HIVEP3: variants seen among roughly 807,000 people sequenced by gnomAD.
HIVEP3 encodes HIVEP zinc finger 3.
HIVEP3 carries 49 observed loss-of-function variants against 152.8 expected under a neutral mutation model. The ratio of observed to expected loss-of-function variants is 0.32; its 90% CI spans 0.26 to 0.41. The LOEUF is 0.41. Ranked by LOEUF, HIVEP3 falls within the 10% of genes least tolerant of loss-of-function variation. The pLI, the probability that HIVEP3 is intolerant of heterozygous loss-of-function variation, is 1.00. For missense variants in HIVEP3, 2,790 were observed against 3,103.3 expected (o/e 0.90, Z 2.40); for synonymous variants, 1,269 against 1,289.0 (o/e 0.98, Z 0.33).
chr1:41,765,386 T>C (rs1273001867), intron 1 of HIVEP3, among the ~76,000 whole-genome samples: 2 of 152,152 alleles, frequency 1.3e-5, no homozygotes, highest in Non-Finnish European at 1.5e-5. Flanking sequence ...TCTGATGTTG[T>C]TTAACCCCGA....
chr1:41,949,152 G>A (rs891320211), intron 1 of HIVEP3, among the ~76,000 whole-genome samples: 2 of 152,132 alleles, frequency 1.3e-5, no homozygotes, highest in Admixed American at 1.3e-4. Context: ...TGTTTGAATG[G>A]CTCTTCAGAA....
intron 5 of HIVEP3, among the ~76,000 whole-genome samples, chr1:41,527,472 AC>A (rs1643025567): frequency 1.1e-5 from 1 of 90,858 alleles, no homozygotes; most frequent in Non-Finnish European, 2.2e-5. Context: ...CCTCACACTC[AC>A]CTTCATACTC....
intron 1 of HIVEP3, among the ~76,000 whole-genome samples, chr1:41,882,463 C>G (rs183967280): frequency 1.6e-4 from 24 of 152,322 alleles, no homozygotes; most frequent in Middle Eastern, 3.4e-3. Flanking sequence ...GTGGTCATCT[C>G]TCCTCTAGGT....
intron 1 of HIVEP3, among the ~76,000 whole-genome samples, chr1:41,885,983 G>A (rs1355260963): frequency 2.0e-5 from 3 of 152,160 alleles, no homozygotes; most frequent in Non-Finnish European, 4.4e-5. Flanking sequence ...TGATGCTAAG[G>A]AAGAAAGTTT....
intron 4 of HIVEP3, 114 bp downstream of exon 4, chr1:41,579,623 G>T: frequency 8.1e-7 from 1 of 1,237,918 alleles, no homozygotes; most frequent in Non-Finnish European, 1.1e-6. Flanking sequence ...GAGGAAATCT[G>T]ACTACTAGTC....
intron 2 of HIVEP3, among the ~76,000 whole-genome samples, chr1:41,669,224 C>A (rs567097177): frequency 2.6e-5 from 4 of 152,194 alleles, no homozygotes; most frequent in South Asian, 4.1e-4. Flanking sequence ...CTGAGTCAGG[C>A]GAACTTATAA....
chr1:41,938,216 A>G (rs1645028853), intron 1 of HIVEP3, among the ~76,000 whole-genome samples: 2 of 152,144 alleles, frequency 1.3e-5, no homozygotes, highest in South Asian at 4.1e-4. Flanking sequence ...CTCTCATAGC[A>G]CCACATCTCC....
chr1:41,831,772 G>A (rs1642972131), intron 1 of HIVEP3, among the ~76,000 whole-genome samples: 1 of 152,196 alleles, frequency 6.6e-6, no homozygotes, highest in Non-Finnish European at 1.5e-5. Context: ...GCTCATGGGA[G>A]GCAGTGAACA....
intron 1 of HIVEP3, among the ~76,000 whole-genome samples, chr1:41,768,825 A>G (rs1648171970): frequency 6.6e-6 from 1 of 152,118 alleles, no homozygotes; most frequent in Admixed American, 6.5e-5. Context: ...CAAGTCTAAA[A>G]CCCGCCCTGT....
At chr1:41,831,996 G>A (rs1485513545) in intron 1 of HIVEP3, among the ~76,000 whole-genome samples, 1 of 152,170 alleles carries the variant, frequency 6.6e-6, no homozygotes, top group Non-Finnish European at 1.5e-5. Context: ...AGGGTCTAGA[G>A]CGTTGCCATT....
At chr1:41,596,982 T>TC (rs149798245) in intron 3 of HIVEP3, among the ~76,000 whole-genome samples, 64 of 152,326 alleles carry the variant, frequency 4.2e-4, no homozygotes, top group African/African-American at 1.5e-3. Context: ...AACTGCTTTT[T>TC]CCCTCAATAA....
intron 1 of HIVEP3, among the ~76,000 whole-genome samples, chr1:41,856,640 ATG>A (rs1643775023): frequency 6.6e-6 from 1 of 152,178 alleles, no homozygotes; most frequent in Non-Finnish European, 1.5e-5. Context: ...CTTATGCCTC[ATG>A]TTACAGATGT....
At chr1:41,546,088 G>A (rs775067350) in intron 5 of HIVEP3, among the ~76,000 whole-genome samples, 2 of 152,204 alleles carry the variant, frequency 1.3e-5, no homozygotes, top group Non-Finnish European at 2.9e-5. Context: ...TTCTGTGCCT[G>A]GAGCATGTAA....
chr1:41,856,428 T>C (rs1318522280), intron 1 of HIVEP3, among the ~76,000 whole-genome samples: 2 of 152,190 alleles, frequency 1.3e-5, no homozygotes, highest in Admixed American at 6.5e-5. Flanking sequence ...ACGGTCTTGC[T>C]TGTTGGCTAA....
At chr1:41,640,053 AG>A (rs1188657073) in intron 2 of HIVEP3, among the ~76,000 whole-genome samples, 1 of 152,178 alleles carries the variant, frequency 6.6e-6, no homozygotes, top group African/African-American at 2.4e-5. Context: ...ATTTAGTGGC[AG>A]GTAGGAATAT....
At chr1:41,885,194 G>GA (rs1261857996) in intron 1 of HIVEP3, among the ~76,000 whole-genome samples, 1 of 152,160 alleles carries the variant, frequency 6.6e-6, no homozygotes, top group East Asian at 1.9e-4. Context: ...CTTGGTTCAA[G>GA]AAAAAATACC....
At chr1:41,954,449 T>C (rs982243496) in intron 1 of HIVEP3, among the ~76,000 whole-genome samples, 2 of 152,236 alleles carry the variant, frequency 1.3e-5, no homozygotes, top group African/African-American at 4.8e-5. Context: ...TCTCTCTGTC[T>C]CTCATTGAAA....
intron 3 of HIVEP3, among the ~76,000 whole-genome samples, chr1:41,607,781 A>G (rs1292947020): frequency 2.6e-5 from 4 of 152,212 alleles, no homozygotes; most frequent in African/African-American, 9.6e-5. Flanking sequence ...CTTAGACGAG[A>G]CAGTTTATTT....
At chr1:41,642,645 G>C (rs1034944155) in intron 2 of HIVEP3, among the ~76,000 whole-genome samples, 13 of 152,242 alleles carry the variant, frequency 8.5e-5, no homozygotes, top group Admixed American at 2.0e-4. Context: ...ACAGGACTGG[G>C]ATGTGTGTGA....
Sources: allele counts gnomAD v4.1 joint callset (sites outside exome capture counted in the v4.1 genomes callset), GRCh38; gene constraint gnomAD v4.1.1; transcripts MANE v1.5; gene names NCBI Gene and HGNC (gene_info 2026-07-23, HGNC 2026-07-21).